Variants in SIPA1L1 observed in about 807,000 individuals in gnomAD.
The protein encoded by SIPA1L1 is signal induced proliferation associated 1 like 1.
In SIPA1L1, 26 loss-of-function variants were observed where a neutral mutation model predicts 162.7. That is an observed-to-expected ratio of 0.16 (90% CI 0.12 to 0.22). SIPA1L1 has a LOEUF of 0.22. Among genes scored for constraint, SIPA1L1 ranks in the 10% least tolerant of loss-of-function variants. The pLI, the probability that SIPA1L1 is intolerant of heterozygous loss-of-function variation, is 1.00. For missense variants in SIPA1L1, 1,874 were observed against 2,241.0 expected, an observed-to-expected ratio of 0.84 and a Z score of 3.31; for synonymous variants, 829 against 837.4, an observed-to-expected ratio of 0.99 and a Z score of 0.17.
At chr14:71,486,078 A>G (rs574781158) in intron 2 of SIPA1L1, among the ~76,000 whole-genome samples, 2 of 152,348 alleles carry the variant, frequency 1.3e-5, no homozygotes, top group Admixed American at 1.3e-4. Flanking sequence ...TGATTTAAAA[A>G]GATGTTTCAT....
intron 18 of SIPA1L1, among the ~76,000 whole-genome samples, chr14:71,724,348 T>C (rs945986707): frequency 6.6e-6 from 1 of 152,234 alleles, no homozygotes; most frequent in Admixed American, 6.5e-5. Flanking sequence ...TTATTTTGTT[T>C]TCGTTTGTGC....
At chr14:71,354,218 T>C (rs1004377305) in intron 2 of SIPA1L1, among the ~76,000 whole-genome samples, 6 of 151,810 alleles carry the variant, frequency 4.0e-5, no homozygotes, top group African/African-American at 1.5e-4. Flanking sequence ...AGTCTAAACA[T>C]GATAAACGAA....
chr14:71,566,290 T>C (rs2030547809), intron 4 of SIPA1L1, among the ~76,000 whole-genome samples: 1 of 152,194 alleles, frequency 6.6e-6, no homozygotes, highest in African/African-American at 2.4e-5. Flanking sequence ...TCTAAATAAA[T>C]AGGAGCTGTA....
intron 7 of SIPA1L1, among the ~76,000 whole-genome samples, chr14:71,637,183 A>G (rs1166965304): frequency 2.6e-5 from 4 of 151,840 alleles, no homozygotes; most frequent in Admixed American, 6.6e-5. Context: ...AGATGATAAA[A>G]TTGAAAATCC....
chr14:71,695,520 A>G (rs2081560905), intron 13 of SIPA1L1, among the ~76,000 whole-genome samples: 1 of 152,248 alleles, frequency 6.6e-6, no homozygotes, highest in Admixed American at 6.5e-5. Flanking sequence ...AGCAGCCTCT[A>G]AATACAAATG....
chr14:71,326,715 C>CTTT (rs34173331), intron 2 of SIPA1L1, among the ~76,000 whole-genome samples: 11 of 107,442 alleles, frequency 1.0e-4, no homozygotes, highest in South Asian at 3.1e-4. Context: ...ATGTAATTTG[C>CTTT]TTTTTTTTTT....
chr14:71,495,886 C>CAAAAAAAAAAAAAAAAAAAAAAAA (rs61183823), intron 2 of SIPA1L1, among the ~76,000 whole-genome samples: 2 of 38,004 alleles, frequency 5.3e-5, no homozygotes, highest in Non-Finnish European at 1.1e-4. Flanking sequence ...TCCATCTCTA[C>CAAAAAAAAAAAAAAAAAAAAAAAA]AAAAAAAAAA....
At chr14:71,638,942 T>C (rs2041433289) in intron 7 of SIPA1L1, among the ~76,000 whole-genome samples, 1 of 152,154 alleles carries the variant, frequency 6.6e-6, no homozygotes, top group Admixed American at 6.5e-5. Flanking sequence ...CCTGTGCCTA[T>C]AATCCCAGAT....
chr14:71,580,387 G>A (rs1450399269), intron 4 of SIPA1L1, among the ~76,000 whole-genome samples: 1 of 152,164 alleles, frequency 6.6e-6, no homozygotes, highest in African/African-American at 2.4e-5. Flanking sequence ...TGTGCTCTGC[G>A]TAGGTACCCT....
At chr14:71,484,105 C>G (rs968073705) in intron 2 of SIPA1L1, among the ~76,000 whole-genome samples, 2 of 152,188 alleles carry the variant, frequency 1.3e-5, no homozygotes, top group Non-Finnish European at 2.9e-5. Flanking sequence ...TAGACACTAT[C>G]CTCAGTATGT....
chr14:71,738,161 TAAAAAAAAAAA>T lies in SIPA1L1; in HGVS notation c.5124-65_5124-55del, dbSNP rs34549978. 6.3e-4 allele frequency: 234 copies of T among 368,952 alleles called. 1 individual carries two copies. The highest frequency in any genetic ancestry group is 9.9e-4 in the Non-Finnish European group (216 of 217,198). The allele number at this position is 368,952 out of a possible 1,614,324, so 22.9% of individuals were successfully genotyped here. On this transcript the variant is annotated intron_variant, in intron 22 of 23. Coordinates refer to ENST00000381232, the MANE Select transcript of SIPA1L1 (RefSeq NM_001386936.1). ...TTTTATAAATACAGCCTCCTCAGAGTAAAAAAAAAAAAAAAAAAAAAAAAACAAACCCAGCC... is the reference window on the plus strand; with the variant it reads ...TTTTATAAATACAGCCTCCTCAGAGTAAAAAAAAAAAAAACAAACCCAGCC...
At chr14:71,645,943 A>T (rs1281738053) in intron 7 of SIPA1L1, among the ~76,000 whole-genome samples, 1 of 152,162 alleles carries the variant, frequency 6.6e-6, no homozygotes, top group Non-Finnish European at 1.5e-5. Flanking sequence ...GCAATAGTAG[A>T]GGTTTCATAA....
chr14:71,610,601 A>G (rs951194319), intron 5 of SIPA1L1, among the ~76,000 whole-genome samples: 7 of 152,224 alleles, frequency 4.6e-5, no homozygotes, highest in Admixed American at 1.3e-4. Flanking sequence ...CCAATAAAAA[A>G]TCTCTCATGA....
rs1174210896 is a variant in SIPA1L1 at position 71,634,935 on chromosome 14, C to CAA, written c.1818+10711_1818+10712dup. On this transcript the variant is annotated intron_variant, in intron 7 of 23. Coordinates refer to ENST00000381232, the MANE Select transcript of SIPA1L1 (RefSeq NM_001386936.1). ...TGGGCAACAGAGTGAGACTCCGTCTCAAAAAAAAAAAAATAGCTAAGTTAT... is the reference window on the plus strand; with the variant it reads ...TGGGCAACAGAGTGAGACTCCGTCTCAAAAAAAAAAAAAAATAGCTAAGTTAT... Among the ~76,000 whole-genome samples, 163 of 112,318 alleles carry CAA rather than the reference C, an allele frequency of 1.5e-3. 3 individuals carry two copies. Among genetic ancestry groups the CAA allele is most frequent in the African/African-American group, 5.0e-3 (151 of 29,952 alleles). The allele number at this position is 112,318 out of a possible 152,430, so 73.7% of individuals were successfully genotyped here.
At chr14:71,479,363 A>ATGTATGTG (rs2048155848) in intron 2 of SIPA1L1, among the ~76,000 whole-genome samples, 1 of 151,606 alleles carries the variant, frequency 6.6e-6, no homozygotes, top group African/African-American at 2.4e-5. Flanking sequence ...GTATGTATGT[A>ATGTATGTG]TGTATGTATG....
intron 5 of SIPA1L1, among the ~76,000 whole-genome samples, chr14:71,611,728 A>G (rs2038241657): frequency 6.6e-6 from 1 of 152,212 alleles, no homozygotes; most frequent in Admixed American, 6.5e-5. Context: ...TGCAAAGGAC[A>G]TGACTCACTC....
chr14:71,527,207 G>A (rs894370624), intron 3 of SIPA1L1, among the ~76,000 whole-genome samples: 2 of 152,100 alleles, frequency 1.3e-5, no homozygotes, highest in Non-Finnish European at 2.9e-5. Flanking sequence ...GGATGTGGTG[G>A]TGCAATTAGA....
intron 2 of SIPA1L1, among the ~76,000 whole-genome samples, chr14:71,484,313 T>C (rs1595707796): frequency 1.3e-5 from 2 of 151,708 alleles, no homozygotes; most frequent in South Asian, 2.1e-4. Flanking sequence ...TTTTTTTTTT[T>C]CCTTTTTGAA....
intron 2 of SIPA1L1, among the ~76,000 whole-genome samples, chr14:71,464,857 A>G (rs1047216564): frequency 2.6e-5 from 4 of 152,024 alleles, no homozygotes; most frequent in African/African-American, 9.7e-5. Context: ...CATGGGTCAC[A>G]CTCTCAACCT....
Sources: gnomAD v4.1 joint callset for allele counts (sites outside exome capture counted in the v4.1 genomes callset) on GRCh38, gnomAD v4.1.1 for gene constraint, MANE v1.5 for transcripts, NCBI Gene and HGNC (gene_info 2026-07-23, HGNC 2026-07-21) for gene names.